The following FAM117B variants were observed in gnomAD, a reference collection of about 807,000 sequenced individuals.
The protein encoded by FAM117B is family with sequence similarity 117 member B.
FAM117B carries 22 observed loss-of-function variants against 52.8 expected under a neutral mutation model. The observed-to-expected ratio is 0.42, with a 90% CI of 0.30 to 0.59. The LOEUF is 0.59. FAM117B is among the 20% of genes least tolerant of loss of function. The pLI is 0.22. For synonymous variants in FAM117B, 309 were observed against 324.1 expected (o/e 0.95, Z 0.50); for missense variants, 678 against 802.6 (o/e 0.84, Z 1.88).
At chr2:202,696,413 C>A (rs1690713056) in intron 2 of FAM117B, among the ~76,000 whole-genome samples, 1 of 151,988 alleles carries the variant, frequency 6.6e-6, no homozygotes, top group South Asian at 2.1e-4. Flanking sequence ...CACTAATGAG[C>A]TTAAAAAAAA....
intron 1 of FAM117B, among the ~76,000 whole-genome samples, chr2:202,685,174 G>A (rs1690521001): frequency 1.3e-5 from 2 of 151,916 alleles, no homozygotes; most frequent in South Asian, 4.2e-4. Flanking sequence ...TAGTAGAGAT[G>A]GGGTTTCACC....
At chr2:202,728,177 G>C (rs1176686487) in intron 4 of FAM117B, among the ~76,000 whole-genome samples, 3 of 151,936 alleles carry the variant, frequency 2.0e-5, no homozygotes, top group Admixed American at 2.0e-4. Flanking sequence ...TATTTTTGTA[G>C]AGATGGGGTC....
chr2:202,643,398 A>G (rs1379906091), intron 1 of FAM117B, among the ~76,000 whole-genome samples: 1 of 152,150 alleles, frequency 6.6e-6, no homozygotes. Flanking sequence ...GGAGGGGAAG[A>G]GGTAAGGGCG....
chr2:202,679,666 C>T (rs567441816), intron 1 of FAM117B, among the ~76,000 whole-genome samples: 1 of 152,284 alleles, frequency 6.6e-6, no homozygotes, highest in East Asian at 1.9e-4. Context: ...AGAGTAAAGG[C>T]TACTCCCAAT....
intron 7 of FAM117B, 130 bp from the exon 8 acceptor site, chr2:202,765,316 T>G: frequency 1.1e-6 from 1 of 903,562 alleles, no homozygotes; most frequent in South Asian, 1.8e-5. Context: ...AGCTTGAGTT[T>G]TATATTCCTT....
At chr2:202,654,161 AAGAC>A (rs72455074) in intron 1 of FAM117B, among the ~76,000 whole-genome samples, 13,237 of 150,744 alleles carry the variant, frequency 0.088, 1,714 homozygotes, top group African/African-American at 0.28. Flanking sequence ...ATTGAAAAGA[AAGAC>A]AGTAATATTA....
At chr2:202,751,771 C>CAAA (rs397868272) in intron 4 of FAM117B, among the ~76,000 whole-genome samples, 4 of 76,184 alleles carry the variant, frequency 5.3e-5, no homozygotes, top group Non-Finnish European at 7.3e-5. Context: ...GACTCCATCT[C>CAAA]AAAAAAAAAA....
At chr2:202,645,291 T>TG (rs1196630373) in intron 1 of FAM117B, among the ~76,000 whole-genome samples, 1 of 150,074 alleles carries the variant, frequency 6.7e-6, no homozygotes, top group African/African-American at 2.5e-5. Context: ...TTCTTTTTTT[T>TG]TTTGTTTGTC....
intron 7 of FAM117B, among the ~76,000 whole-genome samples, chr2:202,760,705 A>C (rs542944177): frequency 6.6e-6 from 1 of 152,114 alleles, no homozygotes; most frequent in Non-Finnish European, 1.5e-5. Context: ...GGCCCCAGGA[A>C]CTGTCTCTTC....
intron 7 of FAM117B, among the ~76,000 whole-genome samples, chr2:202,759,794 T>TGATCCACCTGCCTCGGC (rs531543355): frequency 0.012 from 1,785 of 152,202 alleles, 20 homozygotes; most frequent in Non-Finnish European, 0.018. Context: ...CCTGACTTCG[T>TGATCCACCTGCCTCGGC]GATCCACCTG....
chr2:202,673,194 T>C (rs747766444), intron 1 of FAM117B, among the ~76,000 whole-genome samples: 4 of 152,164 alleles, frequency 2.6e-5, no homozygotes, highest in Non-Finnish European at 5.9e-5. Context: ...TGCAGTTTTG[T>C]TTTTTAATTG....
chr2:202,698,038 T>G (rs959279350), intron 2 of FAM117B, among the ~76,000 whole-genome samples: 1 of 151,920 alleles, frequency 6.6e-6, no homozygotes, highest in African/African-American at 2.4e-5. Context: ...CCCAGCTAAT[T>G]TTTTGTGTTT....
intron 1 of FAM117B, among the ~76,000 whole-genome samples, chr2:202,694,188 CTT>C (rs757843381): frequency 6.1e-5 from 6 of 99,090 alleles, no homozygotes; most frequent in African/African-American, 1.8e-4. Context: ...AAACCCACTT[CTT>C]TTTTTTTTTT....
intron 4 of FAM117B, among the ~76,000 whole-genome samples, chr2:202,732,667 A>G (rs1559111926): frequency 2.0e-5 from 3 of 151,804 alleles, no homozygotes; most frequent in African/African-American, 7.3e-5. Flanking sequence ...AAAAATACCA[A>G]AAAATTAGCT....
In FAM117B at chr2:202,726,292, A is replaced by G; in HGVS notation, c.889A>G (p.Ser297Gly). The G allele has an allele frequency of 6.2e-7, 1 of 1,614,002 alleles. No homozygotes were observed. Among genetic ancestry groups the G allele is most frequent in the Non-Finnish European group, 8.5e-7 (1 of 1,179,980 alleles). Residue 297 changes from serine to glycine, a missense_variant, in exon 4 of 8, where the codon AGT becomes GGT. Coordinates refer to ENST00000392238, the MANE Select transcript of FAM117B (RefSeq NM_173511.4). ...GCAGTTGCAGAGAAGTAAACACAGC[A>G]GTCGGCATCATCGAGATAAAGAAAG... ...RQQLQRSKHS[S>G]RHHRDKERQS...
Position 202,696,084 on chromosome 2 carries a change from T to C in FAM117B, c.753+52T>C, listed in dbSNP as rs896991747. 7 of 1,570,294 alleles carry C rather than the reference T, an allele frequency of 4.5e-6. No individual in the cohort carries two copies. The African/African-American group carries it at 5.4e-5, about 12-fold the overall frequency. On this transcript the variant is annotated intron_variant, in intron 2 of 7. Coordinates refer to ENST00000392238, the MANE Select transcript of FAM117B (RefSeq NM_173511.4). ...AAGTGTTTTTCTCTGAAGCTACTTC[T>C]TCTAATATTATTTGTTCTGCTTTGA...
At chr2:202,642,752 C>T (rs1489891323) in intron 1 of FAM117B, among the ~76,000 whole-genome samples, 1 of 152,144 alleles carries the variant, frequency 6.6e-6, no homozygotes, top group Non-Finnish European at 1.5e-5. Flanking sequence ...ACATGTACAT[C>T]ATGCTAGGCA....
In FAM117B at chr2:202,635,775, G is replaced by C. The variant is rs1462909219; in HGVS notation, c.588G>C (p.Pro196=). The C allele has an allele frequency of 8.3e-6, 12 of 1,453,470 alleles. No homozygotes were observed. Among genetic ancestry groups the C allele is most frequent in the Non-Finnish European group, 1.1e-5 (12 of 1,105,266 alleles). The allele number at this position is 1,453,470 out of a possible 1,614,324, so 90.0% of individuals were successfully genotyped here. A position where few individuals can be genotyped will look rare whatever the true frequency, so the allele number is the denominator to read the frequency against. ...CGGAGAAGAGGAGCCCCAGCGCCCC[G>C]GTTTGCAAAGCAGGTAAGTGCTGGG... ...SSPEKRSPSA[P]VCKAGDKTRQ... is the part of the protein sequence containing the mutation. The change falls in exon 1 of 8, where the codon CCG becomes CCC. Residue 196 remains proline, a synonymous_variant. Coordinates refer to ENST00000392238, the MANE Select transcript of FAM117B (RefSeq NM_173511.4).
intron 1 of FAM117B, among the ~76,000 whole-genome samples, chr2:202,638,293 G>A (rs1472066311): frequency 1.3e-5 from 2 of 152,228 alleles, no homozygotes; most frequent in Non-Finnish European, 2.9e-5. Flanking sequence ...GGGCAGTAGA[G>A]GTGGCAGAAG....
Sources: gnomAD v4.1 joint callset for allele counts (sites outside exome capture counted in the v4.1 genomes callset) on GRCh38, gnomAD v4.1.1 for gene constraint, MANE v1.5 for transcripts, NCBI Gene and HGNC (gene_info 2026-07-23, HGNC 2026-07-21) for gene names.